GRIP1: variants seen among roughly 807,000 people sequenced by gnomAD.
The protein encoded by GRIP1 is glutamate receptor-interacting protein 1.
Under a neutral mutation model 129.9 loss-of-function variants are expected in GRIP1, and 45 were observed. That is an observed-to-expected ratio of 0.35 (90% CI 0.27 to 0.44). The LOEUF (loss-of-function observed/expected upper bound fraction) is 0.44, where lower values mean the gene tolerates loss of function less well. Ranked by LOEUF, GRIP1 falls within the 20% of genes least tolerant of loss-of-function variation. GRIP1 has a pLI of 1.00. For missense variants in GRIP1, 1,196 were observed against 1,396.8 expected (o/e 0.86, Z 2.29); for synonymous variants, 530 against 520.8 (o/e 1.02, Z -0.24).
chr12:66,942,732 C>T (rs918839827), intron 1 of GRIP1, among the ~76,000 whole-genome samples: 1 of 152,078 alleles, frequency 6.6e-6, no homozygotes, highest in African/African-American at 2.4e-5. Context: ...TGTTTGTGTC[C>T]CCTCAAAATT....
intron 2 of GRIP1, among the ~76,000 whole-genome samples, chr12:66,559,317 C>T (rs1013436930): frequency 2.0e-5 from 3 of 152,060 alleles, no homozygotes; most frequent in Non-Finnish European, 2.9e-5. Context: ...CAACATAGTA[C>T]TGGAAGCCCT....
intron 1 of GRIP1, among the ~76,000 whole-genome samples, chr12:66,862,273 T>C (rs892318027): frequency 1.3e-5 from 2 of 152,092 alleles, no homozygotes; most frequent in Middle Eastern, 3.2e-3. Context: ...TAAAGTATCT[T>C]ATAGGTACTT....
chr12:66,654,531 T>C (rs753599506), intron 1 of GRIP1, among the ~76,000 whole-genome samples: 10 of 152,104 alleles, frequency 6.6e-5, no homozygotes, highest in Non-Finnish European at 1.2e-4. Flanking sequence ...TTAGGAGTAG[T>C]TGGAGAGAGA....
At chr12:66,387,235 T>C (rs1453523403) in intron 19 of GRIP1, among the ~76,000 whole-genome samples, 3 of 152,192 alleles carry the variant, frequency 2.0e-5, no homozygotes, top group East Asian at 3.9e-4. Context: ...AGAAAGTACA[T>C]GTGATCCCAT....
intron 7 of GRIP1, among the ~76,000 whole-genome samples, chr12:66,469,030 T>G (rs1260007278): frequency 1.3e-5 from 2 of 152,202 alleles, no homozygotes; most frequent in African/African-American, 4.8e-5. Flanking sequence ...TTTTTAAAAC[T>G]TAAAGTAGAA....
chr12:67,023,233 G>T (rs1348237223), intron 1 of GRIP1, among the ~76,000 whole-genome samples: 2 of 152,124 alleles, frequency 1.3e-5, no homozygotes, highest in African/African-American at 4.8e-5. Flanking sequence ...GAGTTCTCTA[G>T]TTTTGTTACA....
intron 14 of GRIP1, among the ~76,000 whole-genome samples, chr12:66,421,691 T>G (rs1472717041): frequency 6.6e-6 from 1 of 151,500 alleles, no homozygotes. Flanking sequence ...AAATATTTTG[T>G]TGCTAGTTAA....
At chr12:66,879,336 G>T (rs557510859) in intron 1 of GRIP1, among the ~76,000 whole-genome samples, 1 of 151,958 alleles carries the variant, frequency 6.6e-6, no homozygotes, top group Non-Finnish European at 1.5e-5. Context: ...CTACATACCA[G>T]GTGCTTAGTG....
At chr12:66,548,641 C>A (rs551526631) in intron 2 of GRIP1, among the ~76,000 whole-genome samples, 2 of 152,142 alleles carry the variant, frequency 1.3e-5, no homozygotes, top group African/African-American at 4.8e-5. Context: ...GAGGAATTTT[C>A]CGGAGTTAGA....
At chr12:66,538,738 GAC>G (rs2061681047) in intron 4 of GRIP1, among the ~76,000 whole-genome samples, 1 of 151,626 alleles carries the variant, frequency 6.6e-6, no homozygotes, top group African/African-American at 2.4e-5. Context: ...GAGTAACTGG[GAC>G]TACAGGTGTG....
chr12:66,401,180 C>A (rs2056973928), intron 16 of GRIP1, among the ~76,000 whole-genome samples: 1 of 152,140 alleles, frequency 6.6e-6, no homozygotes, highest in Non-Finnish European at 1.5e-5. Context: ...TTAAATAAAG[C>A]TGAAATTCAC....
At chr12:67,034,563 C>T (rs1478824511) in intron 1 of GRIP1, among the ~76,000 whole-genome samples, 1 of 152,144 alleles carries the variant, frequency 6.6e-6, no homozygotes, top group South Asian at 2.1e-4. Flanking sequence ...AAATGGAACA[C>T]CTATGTAAGG....
chr12:66,402,236 C>T (rs896996059), intron 16 of GRIP1, among the ~76,000 whole-genome samples: 1 of 152,200 alleles, frequency 6.6e-6, no homozygotes, highest in African/African-American at 2.4e-5. Context: ...ATATTTTGTG[C>T]ATATCCTTAT....
At chr12:66,362,578 G>A (rs1347501328) in intron 23 of GRIP1, among the ~76,000 whole-genome samples, 1 of 151,908 alleles carries the variant, frequency 6.6e-6, no homozygotes, top group Non-Finnish European at 1.5e-5. Context: ...CCTTCAGAAA[G>A]TACACCATTT....
chr12:66,617,990 C>T (rs1565914554), intron 1 of GRIP1, among the ~76,000 whole-genome samples: 1 of 151,888 alleles, frequency 6.6e-6, no homozygotes, highest in African/African-American at 2.4e-5. Context: ...ATGCATATAC[C>T]ATTTGACCCA....
At chr12:66,857,113 T>C (rs2040019200) in intron 1 of GRIP1, among the ~76,000 whole-genome samples, 1 of 151,806 alleles carries the variant, frequency 6.6e-6, no homozygotes, top group Admixed American at 6.6e-5. Flanking sequence ...CTCAGCAAAC[T>C]GTTGCAAGGA....
chr12:66,851,127 A>C (rs557193391), intron 1 of GRIP1, among the ~76,000 whole-genome samples: 4 of 151,586 alleles, frequency 2.6e-5, no homozygotes, highest in Non-Finnish European at 5.9e-5. Flanking sequence ...AATTTTCTTG[A>C]GAACAAAGGA....
At chr12:66,404,451 G>A (rs941588039) in intron 16 of GRIP1, among the ~76,000 whole-genome samples, 6 of 152,226 alleles carry the variant, frequency 3.9e-5, no homozygotes, top group East Asian at 1.9e-4. Flanking sequence ...ATTAATTGTG[G>A]CTGTTCGTCT....
chr12:66,989,694 G>C (rs761701436), intron 1 of GRIP1, among the ~76,000 whole-genome samples: 1 of 152,014 alleles, frequency 6.6e-6, no homozygotes, highest in Non-Finnish European at 1.5e-5. Flanking sequence ...AATTGGCTTC[G>C]GAACAACAAT....
Sources: gnomAD v4.1 joint callset for allele counts (sites outside exome capture counted in the v4.1 genomes callset) on GRCh38, gnomAD v4.1.1 for gene constraint, MANE v1.5 for transcripts, NCBI Gene and HGNC (gene_info 2026-07-23, HGNC 2026-07-21) for gene names.